The following XYLT1 variants were observed in gnomAD, a reference collection of about 807,000 sequenced individuals.
The protein encoded by XYLT1 is xylosyltransferase 1.
XYLT1 carries 36 observed loss-of-function variants against 91.3 expected under a neutral mutation model. The ratio of observed to expected loss-of-function variants is 0.39; its 90% CI spans 0.30 to 0.52. The LOEUF is 0.52. Among genes scored for constraint, XYLT1 ranks in the 20% least tolerant of loss-of-function variants. XYLT1 has a pLI of 0.68. For synonymous variants in XYLT1, 588 were observed against 532.0 expected (o/e 1.11, Z -1.45); for missense variants, 1,242 against 1,284.5 (o/e 0.97, Z 0.51).
intron 3 of XYLT1, among the ~76,000 whole-genome samples, chr16:17,214,567 G>T (rs899989465): frequency 3.3e-5 from 5 of 152,122 alleles, no homozygotes; most frequent in African/African-American, 1.2e-4. Context: ...AAGTTTGGGG[G>T]GGTTTGCTAC....
At chr16:17,354,470 C>A (rs908921461) in intron 2 of XYLT1, among the ~76,000 whole-genome samples, 2 of 152,142 alleles carry the variant, frequency 1.3e-5, no homozygotes, top group Non-Finnish European at 2.9e-5. Context: ...GAGAGGGATG[C>A]GTGAAGGAAA....
chr16:17,127,662 T>G lies in XYLT1; in HGVS notation c.2223+4A>C, dbSNP rs779214565. On this transcript the variant is annotated splice_donor_region_variant and intron_variant, in intron 10 of 11. Transcript: ENST00000261381. ...ATGAAATGTGACAAGACCTGGCCTCTTACCTCGGAAAACTGAAGCCTCCCA... is the reference window on the plus strand; with the variant it reads ...ATGAAATGTGACAAGACCTGGCCTCGTACCTCGGAAAACTGAAGCCTCCCA... 1 of 1,612,990 alleles carries G rather than the reference T, an allele frequency of 6.2e-7. No homozygotes were observed. The highest frequency in any genetic ancestry group is 1.1e-5 in the South Asian group (1 of 90,968).
chr16:17,179,056 G>A (rs1450377681), intron 5 of XYLT1, among the ~76,000 whole-genome samples: 2 of 150,460 alleles, frequency 1.3e-5, no homozygotes, highest in African/African-American at 2.5e-5. Flanking sequence ...GTGACAGAAT[G>A]AGACCCTGTC....
chr16:17,362,749 C>G (rs1032768374), intron 1 of XYLT1, among the ~76,000 whole-genome samples: 1 of 152,224 alleles, frequency 6.6e-6, no homozygotes, highest in Admixed American at 6.5e-5. Context: ...CATTGGAAAG[C>G]ATGTTCTCTT....
chr16:17,418,236 A>ACACAC (rs1196591421), intron 1 of XYLT1, among the ~76,000 whole-genome samples: 1 of 152,238 alleles, frequency 6.6e-6, no homozygotes, highest in Non-Finnish European at 1.5e-5. Flanking sequence ...TTCAGCTTGT[A>ACACAC]CACACCTTAG....
At chr16:17,320,257 G>A (rs1433587649) in intron 2 of XYLT1, among the ~76,000 whole-genome samples, 4 of 152,206 alleles carry the variant, frequency 2.6e-5, no homozygotes, top group Admixed American at 1.3e-4. Context: ...ACCTAGCACA[G>A]TGCCTGAAGC....
At chr16:17,300,474 T>TTTTTTTTTTTTTG (rs869088672) in intron 2 of XYLT1, among the ~76,000 whole-genome samples, 1 of 122,044 alleles carries the variant, frequency 8.2e-6, no homozygotes. Flanking sequence ...TTTTTTTTTT[T>TTTTTTTTTTTTTG]GAGATGGAGT....
At chr16:17,238,437 G>A (rs886813510) in intron 3 of XYLT1, among the ~76,000 whole-genome samples, 38 of 152,196 alleles carry the variant, frequency 2.5e-4, no homozygotes, top group African/African-American at 9.2e-4. Context: ...AGTTTCTGTT[G>A]CAACCACTCA....
intron 1 of XYLT1, among the ~76,000 whole-genome samples, chr16:17,392,617 A>G (rs897200530): frequency 6.6e-6 from 1 of 152,160 alleles, no homozygotes; most frequent in African/African-American, 2.4e-5. Flanking sequence ...CCCCAAATTC[A>G]CTATGCCAAA....
chr16:17,301,578 G>C (rs780025151), intron 2 of XYLT1, among the ~76,000 whole-genome samples: 3 of 152,136 alleles, frequency 2.0e-5, no homozygotes, highest in Admixed American at 2.0e-4. Flanking sequence ...AGTAATGCTT[G>C]AGTAATACTG....
At chr16:17,256,980 C>T (rs540317715) in intron 3 of XYLT1, among the ~76,000 whole-genome samples, 7 of 152,352 alleles carry the variant, frequency 4.6e-5, no homozygotes, top group African/African-American at 7.2e-5. Context: ...CCATCTAGCT[C>T]GACTCTGACA....
At chr16:17,429,242 C>A (rs948446187) in intron 1 of XYLT1, among the ~76,000 whole-genome samples, 2 of 152,226 alleles carry the variant, frequency 1.3e-5, no homozygotes, top group Admixed American at 6.5e-5. Flanking sequence ...AAGTCTCTAA[C>A]TGCTTAATTC....
At chr16:17,283,764 G>A (rs1327363536) in intron 2 of XYLT1, among the ~76,000 whole-genome samples, 2 of 152,184 alleles carry the variant, frequency 1.3e-5, no homozygotes, top group Admixed American at 1.3e-4. Flanking sequence ...GATACTTCAC[G>A]TGTCTTGGGA....
At chr16:17,357,936 G>A in intron 2 of XYLT1, 76 bp downstream of exon 2, 1 of 1,541,808 alleles carries the variant, frequency 6.5e-7, no homozygotes, top group South Asian at 1.2e-5. Flanking sequence ...CAGCCTTTCA[G>A]AGCCACGGGA....
intron 2 of XYLT1, among the ~76,000 whole-genome samples, chr16:17,284,450 G>A (rs1016539209): frequency 2.0e-5 from 3 of 152,172 alleles, no homozygotes; most frequent in Admixed American, 1.3e-4. Flanking sequence ...GATATGACCT[G>A]GGGATGAGTA....
At chr16:17,459,509 C>T (rs1277843471) in intron 1 of XYLT1, among the ~76,000 whole-genome samples, 1 of 152,152 alleles carries the variant, frequency 6.6e-6, no homozygotes, top group Non-Finnish European at 1.5e-5. Flanking sequence ...GTGTCTATAC[C>T]ATATTTTGGA....
chr16:17,164,865 C>T (rs910221883), intron 5 of XYLT1, among the ~76,000 whole-genome samples: 1 of 152,136 alleles, frequency 6.6e-6, no homozygotes, highest in Non-Finnish European at 1.5e-5. Flanking sequence ...TCCTGGTTTG[C>T]CCAGGACTGA....
intron 2 of XYLT1, among the ~76,000 whole-genome samples, chr16:17,266,775 C>T (rs1567348820): frequency 6.6e-6 from 1 of 152,192 alleles, no homozygotes; most frequent in Admixed American, 6.5e-5. Context: ...GGCTTCGTTC[C>T]AATCACCAAG....
intron 3 of XYLT1, among the ~76,000 whole-genome samples, chr16:17,234,945 A>G (rs1278846447): frequency 2.6e-5 from 4 of 152,232 alleles, no homozygotes; most frequent in Non-Finnish European, 5.9e-5. Context: ...TTCAACTGCA[A>G]CTGAGCAAAA....
Sources: allele counts gnomAD v4.1 joint callset (sites outside exome capture counted in the v4.1 genomes callset), GRCh38; gene constraint gnomAD v4.1.1; transcripts MANE v1.5; gene names NCBI Gene and HGNC (gene_info 2026-07-23, HGNC 2026-07-21).